OLFM2: variants seen among roughly 807,000 people sequenced by gnomAD.
OLFM2 encodes olfactomedin 2.
Under a neutral mutation model 43.9 loss-of-function variants are expected in OLFM2, and 20 were observed. The observed-to-expected ratio is 0.46, with a 90% CI of 0.32 to 0.66. The LOEUF is 0.66. Ranked by LOEUF, OLFM2 falls within the 30% of genes least tolerant of loss-of-function variation. OLFM2 has a pLI of 0.04. For missense variants in OLFM2, 416 were observed against 643.6 expected (o/e 0.65, Z 3.83); for synonymous variants, 268 against 278.6 (o/e 0.96, Z 0.38).
intron 1 of OLFM2, among the ~76,000 whole-genome samples, chr19:9,914,424 C>T (rs992634426): frequency 6.6e-6 from 1 of 152,098 alleles, no homozygotes; most frequent in Admixed American, 6.5e-5. Flanking sequence ...CATTTCGTGC[C>T]CCCAGGGTGG....
intron 5 of OLFM2, among the ~76,000 whole-genome samples, chr19:9,855,321 A>G (rs1599461807): frequency 6.7e-6 from 1 of 149,098 alleles, no homozygotes; most frequent in Non-Finnish European, 1.5e-5. Context: ...GCTCACTGCA[A>G]CCTCCGCCTC....
intron 2 of OLFM2, among the ~76,000 whole-genome samples, chr19:9,859,253 CCA>C (rs539662421): frequency 6.6e-6 from 1 of 152,202 alleles, no homozygotes; most frequent in Non-Finnish European, 1.5e-5. Context: ...CTGAGGCCAA[CCA>C]CAGTCCAAAA....
intron 1 of OLFM2, among the ~76,000 whole-genome samples, chr19:9,915,151 C>T (rs748042303): frequency 3.0e-4 from 45 of 152,110 alleles, no homozygotes; most frequent in Non-Finnish European, 4.1e-4. Flanking sequence ...AGGTAATTTA[C>T]TGAGCATCTA....
chr19:9,867,129 G>A (rs1007012036), intron 1 of OLFM2, among the ~76,000 whole-genome samples: 1 of 152,182 alleles, frequency 6.6e-6, no homozygotes, highest in Non-Finnish European at 1.5e-5. Flanking sequence ...CCAGCACTTT[G>A]GGAGGTGAAG....
At chr19:9,858,245 C>T in intron 2 of OLFM2, 1 of 346,180 alleles carries the variant, frequency 2.9e-6, no homozygotes, top group Non-Finnish European at 5.6e-6. Context: ...CCCGCCCAAC[C>T]CACTTCCTCT....
At chr19:9,885,075 T>C (rs957446265) in intron 1 of OLFM2, among the ~76,000 whole-genome samples, 21 of 152,178 alleles carry the variant, frequency 1.4e-4, no homozygotes, top group Non-Finnish European at 2.2e-4. Context: ...ACATGGACCC[T>C]GGAGGCCGAC....
chr19:9,879,485 C>T (rs2046521497), intron 1 of OLFM2, among the ~76,000 whole-genome samples: 1 of 152,156 alleles, frequency 6.6e-6, no homozygotes, highest in South Asian at 2.1e-4. Flanking sequence ...TCTCTTGCTC[C>T]TGCTCTGGCC....
At chr19:9,900,788 G>A (rs747141057) in intron 1 of OLFM2, among the ~76,000 whole-genome samples, 5 of 151,034 alleles carry the variant, frequency 3.3e-5, no homozygotes, top group African/African-American at 7.3e-5. Flanking sequence ...CTACTCAGCA[G>A]GCTGAGTTGG....
intron 1 of OLFM2, among the ~76,000 whole-genome samples, chr19:9,878,170 G>C (rs1245561530): frequency 3.3e-5 from 5 of 152,074 alleles, no homozygotes; most frequent in South Asian, 2.1e-4. Flanking sequence ...TACCCAATCT[G>C]TGGTAGTCTG....
At position 9,936,254 on chromosome 19, in the gene OLFM2, C is replaced by T. The variant is rs758109400; in HGVS notation, c.63+50G>A. ...TTTCTCCGGGAACCCTCCGCGCCCC[C>T]CTCCTCTCCCGGAGCCACCCGCGCC... is the stretch of plus-strand genomic sequence containing the variant. On this transcript the variant is annotated intron_variant, in intron 1 of 5. Transcript: ENST00000264833. The T allele has an allele frequency of 5.3e-6, 8 of 1,521,986 alleles. No individual in the cohort carries two copies. The African/African-American group carries it at 1.1e-4, about 21-fold the overall frequency. The allele number at this position is 1,521,986 out of a possible 1,614,324, so 94.3% of individuals were successfully genotyped here. A position where few individuals can be genotyped will look rare whatever the true frequency, so the allele number is the denominator to read the frequency against.
At chr19:9,929,433 T>G (rs549318541) in intron 1 of OLFM2, among the ~76,000 whole-genome samples, 1 of 151,234 alleles carries the variant, frequency 6.6e-6, no homozygotes, top group East Asian at 2.0e-4. Context: ...CTGTCTCTAC[T>G]AAAAATGTAA....
At chr19:9,911,694 T>C (rs1269794188) in intron 1 of OLFM2, among the ~76,000 whole-genome samples, 1 of 152,150 alleles carries the variant, frequency 6.6e-6, no homozygotes, top group African/African-American at 2.4e-5. Flanking sequence ...TCATAACTCA[T>C]AGACATGCTC....
intron 1 of OLFM2, among the ~76,000 whole-genome samples, chr19:9,904,391 A>T (rs1391077932): frequency 6.6e-6 from 1 of 151,846 alleles, no homozygotes; most frequent in Non-Finnish European, 1.5e-5. Flanking sequence ...GGGTTTCACC[A>T]TGTTGGCCAG....
chr19:9,871,400 G>A (rs1401075760), intron 1 of OLFM2, among the ~76,000 whole-genome samples: 6 of 151,804 alleles, frequency 4.0e-5, no homozygotes, highest in African/African-American at 9.7e-5. Context: ...GTGAAACTCC[G>A]TCTCTACTAA....
rs1599463484 is a variant in OLFM2 at position 9,857,421 on chromosome 19, G to A, written c.422C>T (p.Ala141Val). ...CAAGCGTACAATGGTCCGCGTGTCTGCCTTGTACTGCTCCAGGACCGAGCT... is the reference window on the plus strand; with the variant it reads ...CAAGCGTACAATGGTCCGCGTGTCTACCTTGTACTGCTCCAGGACCGAGCT... ...PLSSVLEQYK[A>V]DTRTIVRLRE... is the part of the protein sequence containing the mutation. Residue 141 changes from alanine to valine, a missense_variant, in exon 4 of 6, where the codon GCA becomes GTA. Ala to Val is a moderately conservative substitution (Grantham distance 64). Coordinates refer to ENST00000264833, the MANE Select transcript of OLFM2 (RefSeq NM_058164.4). This position sits in a 1 kb window ranked among gnomAD's most constrained non-coding sequence, Gnocchi z 5.7. 7 of 1,614,088 alleles carry A rather than the reference G, an allele frequency of 4.3e-6. No homozygotes were observed. Among genetic ancestry groups the A allele is most frequent in the Non-Finnish European group, 5.9e-6 (7 of 1,180,016 alleles).
At chr19:9,928,151 C>T (rs2086463905) in intron 1 of OLFM2, among the ~76,000 whole-genome samples, 1 of 151,912 alleles carries the variant, frequency 6.6e-6, no homozygotes, top group African/African-American at 2.4e-5. Flanking sequence ...GTTGAGGCTA[C>T]AGTGGGCTGT....
intron 1 of OLFM2, among the ~76,000 whole-genome samples, chr19:9,877,572 AAATACAAT>A (rs2046502050): frequency 1.4e-5 from 2 of 142,584 alleles, no homozygotes; most frequent in Admixed American, 1.4e-4. Context: ...ATAAATAAAT[AAATACAAT>A]AAAATAAAAA....
At chr19:9,914,063 AG>A (rs1362406867) in intron 1 of OLFM2, among the ~76,000 whole-genome samples, 31 of 104,692 alleles carry the variant, frequency 3.0e-4, no homozygotes, top group Non-Finnish European at 5.9e-4. Flanking sequence ...GGCATTCCCC[AG>A]CCCCGCCCCC....
At chr19:9,864,947 C>T (rs946452938) in intron 1 of OLFM2, among the ~76,000 whole-genome samples, 4 of 151,582 alleles carry the variant, frequency 2.6e-5, no homozygotes, top group Admixed American at 6.6e-5. Flanking sequence ...TTAAGTCTCC[C>T]GGCACGGGTT....
Sources: allele counts gnomAD v4.1 joint callset (sites outside exome capture counted in the v4.1 genomes callset), GRCh38; gene constraint gnomAD v4.1.1; non-coding constraint Gnocchi (gnomAD v3.1); transcripts MANE v1.5; gene names NCBI Gene and HGNC (gene_info 2026-07-23, HGNC 2026-07-21).